Variants in NCOR2 observed in about 807,000 individuals in gnomAD.
The protein encoded by NCOR2 is nuclear receptor corepressor 2.
Under a neutral mutation model 262.9 loss-of-function variants are expected in NCOR2, and 81 were observed. The ratio of observed to expected loss-of-function variants is 0.31; its 90% CI spans 0.26 to 0.37. The LOEUF is 0.37. Among genes scored for constraint, NCOR2 ranks in the 10% least tolerant of loss-of-function variants. The pLI is 1.00. For missense variants in NCOR2, 3,385 were observed against 3,621.4 expected, an observed-to-expected ratio of 0.93 and a Z score of 1.68; for synonymous variants, 1,659 against 1,559.3, an observed-to-expected ratio of 1.06 and a Z score of -1.51.
At position 124,378,809 on chromosome 12, in the gene NCOR2, A is replaced by C. The variant is rs918048425; in HGVS notation, c.2020-425T>G. Among the ~76,000 whole-genome samples, 2 of 152,234 alleles carry C rather than the reference A, an allele frequency of 1.3e-5. No homozygotes were observed. The highest frequency in any genetic ancestry group is 2.1e-4 in the South Asian group (1 of 4,832). On this transcript the variant is annotated intron_variant, in intron 17 of 46. Transcript: ENST00000405201. This position sits in a 1 kb window ranked among gnomAD's most constrained non-coding sequence, Gnocchi z 4.2. ...TCACCTGTCCCTGGGGGAACAGGCC[A>C]GCCTGGGAAGCTCGCGTTTCATTCC...
intron 1 of NCOR2, among the ~76,000 whole-genome samples, chr12:124,544,279 G>A (rs1342527786): frequency 2.0e-5 from 3 of 152,222 alleles, no homozygotes; most frequent in Non-Finnish European, 4.4e-5. Flanking sequence ...CAGATAGGCA[G>A]AGCAAGTACC....
At position 124,478,729 on chromosome 12, in the gene NCOR2, G is replaced by A. The variant is rs113300217; in HGVS notation, c.411+4867C>T. On this transcript the variant is annotated intron_variant, in intron 3 of 46. Transcript: ENST00000405201. The stretch of plus-strand genomic sequence containing the variant: ...AGGAGAGAGAGACAGACACAGAGAC[G>A]AAGACAGACAGACAGATCGAGAAAC... Among the ~76,000 whole-genome samples, 7 of 152,044 alleles carry A rather than the reference G, an allele frequency of 4.6e-5. 2 individuals are homozygous for A. The highest frequency in any genetic ancestry group is 1.9e-4 in the East Asian group (1 of 5,176).
intron 5 of NCOR2, 34 bp downstream of exon 7, chr12:124,466,139 C>A (rs2046405428): frequency 1.9e-6 from 3 of 1,574,696 alleles, no homozygotes; most frequent in Non-Finnish European, 2.6e-6. Flanking sequence ...ATGGCCAGCA[C>A]CGGGGGGCAG....
rs76582977 is a variant in NCOR2 at position 124,344,393 on chromosome 12, C to A, written c.4714+204G>T. On this transcript the variant is annotated intron_variant, in intron 32 of 46. Coordinates refer to ENST00000405201, the Ensembl canonical transcript of NCOR2. ...GGGGCGTGGGGGAAGCTAGGTGAGA[C>A]ACCACGGTGGTCTGGGAGGTGGCAA... Among the ~76,000 whole-genome samples, 281 of 152,286 alleles carry A rather than the reference C, an allele frequency of 1.8e-3. 2 individuals carry two copies. The highest frequency in any genetic ancestry group is 6.6e-3 in the African/African-American group (275 of 41,546).
At chr12:124,477,124 C>T (rs2047142970) in intron 3 of NCOR2, among the ~76,000 whole-genome samples, 1 of 152,124 alleles carries the variant, frequency 6.6e-6, no homozygotes, top group Non-Finnish European at 1.5e-5. Context: ...CATGGTTTGG[C>T]CGTGTCCCCA....
Position 124,486,585 on chromosome 12 carries a change from A to G in NCOR2, c.106-17T>C. On this transcript the variant is annotated splice_polypyrimidine_tract_variant and intron_variant, in intron 1 of 46. Transcript: ENST00000405201. Reference sequence around the variant, plus strand: ...CCCGACGTCCTGCAGGAGGGGACAGAGGAGTGGTGAGCGTGGGCGGGCACG... The same window carrying G: ...CCCGACGTCCTGCAGGAGGGGACAGGGGAGTGGTGAGCGTGGGCGGGCACG... 6.4e-7 allele frequency: 1 copy of G among 1,556,068 alleles called. No individual in the cohort carries two copies. The highest frequency in any genetic ancestry group is 1.4e-5 in the African/African-American group (1 of 73,426).
chr12:124,486,464 A>T, exon 2 of NCOR2: 1 of 1,612,672 alleles, frequency 6.2e-7, no homozygotes. Context: ...GCTGGAACTC[A>T]GACAGCAGGG....
intron 25 of NCOR2, 98 bp from the exon 28 acceptor site, chr12:124,354,680 C>T: frequency 2.3e-6 from 3 of 1,325,484 alleles, no homozygotes; most frequent in Non-Finnish European, 2.0e-6. Flanking sequence ...GAAGCGCTGC[C>T]CCTCCCCACC....
At chr12:124,429,865 A>C (rs1211444076) in intron 9 of NCOR2, among the ~76,000 whole-genome samples, 159 bp from the exon 12 acceptor site, 1 of 152,202 alleles carries the variant, frequency 6.6e-6, no homozygotes, top group Non-Finnish European at 1.5e-5. Context: ...CTGGGGAGGC[A>C]TGGAGCCCCC....
chr12:124,385,034 AGGAG>A (rs969355316), intron 17 of NCOR2, among the ~76,000 whole-genome samples: 2 of 152,224 alleles, frequency 1.3e-5, no homozygotes, highest in African/African-American at 4.8e-5. Flanking sequence ...AGAGGGAGAA[AGGAG>A]GGAGGAAGGG....
intron 44 of NCOR2, among the ~76,000 whole-genome samples, chr12:124,328,353 G>A (rs945110724): frequency 6.6e-6 from 1 of 152,162 alleles, no homozygotes; most frequent in Non-Finnish European, 1.5e-5. Context: ...TGCGTGCAGG[G>A]GACAGGGCAG....
chr12:124,404,380 C>T (rs1010734823), intron 13 of NCOR2, among the ~76,000 whole-genome samples: 1 of 152,222 alleles, frequency 6.6e-6, no homozygotes, highest in African/African-American at 2.4e-5. Context: ...CCACATTCAG[C>T]TACGTCTGTG....
At position 124,463,921 on chromosome 12, in the gene NCOR2, G is replaced by A. The variant is rs543173029; in HGVS notation, c.705+2252C>T. 2.8e-4 allele frequency among the ~76,000 whole-genome samples: 42 copies of A among 151,560 alleles called. No homozygotes were observed. In the South Asian group the frequency reaches 5.6e-3, roughly 20 times the overall value. On this transcript the variant is annotated intron_variant, in intron 5 of 46. Coordinates refer to ENST00000405201, the Ensembl canonical transcript of NCOR2. ...CTCCCTTCCTGCCGCCTGAATATTTGCACAATAATTATTTAATGTGCATCT... is the reference window on the plus strand; with the variant it reads ...CTCCCTTCCTGCCGCCTGAATATTTACACAATAATTATTTAATGTGCATCT...
At position 124,372,253 on chromosome 12, in the gene NCOR2, T is replaced by G. The variant is rs752009943; in HGVS notation, c.2576A>C (p.Glu859Ala). The G allele has an allele frequency of 2.5e-5, 39 of 1,588,808 alleles. No individual in the cohort carries two copies. The Admixed American group carries it at 6.7e-4, about 27-fold the overall frequency. ...CGTGCACTCGCTCTTGACGGGCTCC[T>G]CGGCCTTCCCTGTGTCCACTGCCAG... is the stretch of plus-strand genomic sequence containing the variant. The change falls in exon 20 of 47, where the codon GAG (glutamate) becomes GCG (alanine). Residue 859 changes from glutamate to alanine, a missense_variant. Physicochemically the swap from Glu to Ala is moderately radical, Grantham distance 107 (BLOSUM62 -1). Around this residue, in one of 5 missense-constraint regions of NCOR2, gnomAD observed 1,615 missense variants for 1,626.9 expected, o/e 0.99. Coordinates refer to ENST00000405201, the Ensembl canonical transcript of NCOR2.
exon 43 of NCOR2, chr12:124,332,343 G>T: frequency 1.2e-6 from 2 of 1,614,180 alleles, no homozygotes; most frequent in Non-Finnish European, 1.7e-6. Flanking sequence ...TTCCGGTTGT[G>T]GGTGTTCAGC....
intron 17 of NCOR2, among the ~76,000 whole-genome samples, chr12:124,381,900 G>A (rs2040437588): frequency 6.6e-6 from 1 of 152,230 alleles, no homozygotes; most frequent in Admixed American, 6.5e-5. Flanking sequence ...CTGATGCCAA[G>A]TGTTACATAA....
At position 124,457,733 on chromosome 12, in the gene NCOR2, T is replaced by C. The variant is rs553776717; in HGVS notation, c.706-571A>G. Among the ~76,000 whole-genome samples the C allele has an allele frequency of 3.9e-5, 6 of 152,280 alleles. No homozygotes were observed. Among genetic ancestry groups the C allele is most frequent in the African/African-American group, 1.4e-4 (6 of 41,572 alleles). ...CTCCCCACTCACAACTGGGGACTTA[T>C]TAGGAAAACAGGAACATGTGGCGCA... is the stretch of plus-strand genomic sequence containing the variant. On this transcript the variant is annotated intron_variant, in intron 5 of 46. Transcript: ENST00000405201. This position sits in a 1 kb window ranked among gnomAD's most constrained non-coding sequence, Gnocchi z 4.0.
At chr12:124,369,606 C>T (rs952288801) in intron 20 of NCOR2, among the ~76,000 whole-genome samples, 10 of 152,086 alleles carry the variant, frequency 6.6e-5, no homozygotes, top group African/African-American at 2.4e-4. Flanking sequence ...GGCGGGCTGC[C>T]GGCCAGGACG....
At chr12:124,441,967 C>T (rs1466037934) in intron 7 of NCOR2, among the ~76,000 whole-genome samples, 1 of 152,238 alleles carries the variant, frequency 6.6e-6, no homozygotes, top group Non-Finnish European at 1.5e-5. Flanking sequence ...GGCTGAGAAG[C>T]CGTCACGGGC....
Sources: allele counts gnomAD v4.1 joint callset (sites outside exome capture counted in the v4.1 genomes callset), GRCh38; gene constraint gnomAD v4.1.1; regional missense constraint gnomAD v4.1.1; non-coding constraint Gnocchi (gnomAD v3.1); transcripts MANE v1.5; gene names NCBI Gene and HGNC (gene_info 2026-07-23, HGNC 2026-07-21).